The following ROBO2 variants were observed in gnomAD, a reference collection of about 807,000 sequenced individuals.
ROBO2 encodes the protein roundabout homolog 2.
Under a neutral mutation model 160.8 loss-of-function variants are expected in ROBO2, and 53 were observed. The ratio of observed to expected loss-of-function variants is 0.33; its 90% confidence interval spans 0.26 to 0.41. The LOEUF (loss-of-function observed/expected upper bound fraction) is 0.41, where lower values mean the gene tolerates loss of function less well. ROBO2 is among the 10% of genes least tolerant of loss of function. The pLI is 1.00. For missense variants in ROBO2, 1,577 were observed against 1,722.4 expected, an observed-to-expected ratio of 0.92 and a Z score of 1.49; for synonymous variants, 664 against 611.7, an observed-to-expected ratio of 1.09 and a Z score of -1.26.
At chr3:77,398,584 T>A (rs2075506329) in intron 2 of ROBO2, among the ~76,000 whole-genome samples, 1 of 151,970 alleles carries the variant, frequency 6.6e-6, no homozygotes. Flanking sequence ...TTCTTTGTAT[T>A]TTAATTTATT....
At chr3:76,622,371 G>A (rs1295172884) in intron 2 of ROBO2, among the ~76,000 whole-genome samples, 1 of 151,982 alleles carries the variant, frequency 6.6e-6, no homozygotes, top group Non-Finnish European at 1.5e-5. Flanking sequence ...AGGCTAAGGT[G>A]GGAGGATTGC....
chr3:75,957,438 A>G (rs1039710839), intron 2 of ROBO2, among the ~76,000 whole-genome samples: 1 of 151,590 alleles, frequency 6.6e-6, no homozygotes, highest in Non-Finnish European at 1.5e-5. Context: ...AAAATATGGT[A>G]GGGCAATTTT....
At chr3:76,072,363 TG>T (rs2068489422) in intron 2 of ROBO2, among the ~76,000 whole-genome samples, 1 of 152,158 alleles carries the variant, frequency 6.6e-6, no homozygotes, top group Non-Finnish European at 1.5e-5. Context: ...CCTGCTATTT[TG>T]TGGAGAAATG....
In ROBO2 at chr3:76,440,196, C is replaced by T. The variant is rs2076861667; in HGVS notation, c.109+502594C>T. On this transcript the variant is annotated intron_variant, in intron 2 of 26. Transcript: ENST00000487694. ...TAGCAAGACCTGGGGTCCAGATGTA[C>T]AACCCCAATCAAGTCCCAAGCAAGA... Among the ~76,000 whole-genome samples, 3 of 152,160 alleles carry T rather than the reference C, an allele frequency of 2.0e-5. No homozygotes were observed. In the South Asian group the frequency reaches 6.2e-4, roughly 32 times the overall value.
chr3:76,440,237 CT>C (rs971055397), intron 2 of ROBO2, among the ~76,000 whole-genome samples: 2 of 151,814 alleles, frequency 1.3e-5, no homozygotes, highest in Non-Finnish European at 2.9e-5. Flanking sequence ...AGTAAAAGTA[CT>C]TTTTTTATTT....
intron 19 of ROBO2, among the ~76,000 whole-genome samples, chr3:77,599,088 A>G (rs1030400928): frequency 6.6e-6 from 1 of 152,144 alleles, no homozygotes; most frequent in Non-Finnish European, 1.5e-5. Context: ...GAAATATCTC[A>G]TAGATGAACA....
At chr3:76,387,136 G>C (rs2076929733) in intron 2 of ROBO2, among the ~76,000 whole-genome samples, 1 of 152,126 alleles carries the variant, frequency 6.6e-6, no homozygotes, top group Admixed American at 6.5e-5. Context: ...CACATGGCAG[G>C]GTCGAGGGGG....
intron 2 of ROBO2, among the ~76,000 whole-genome samples, chr3:75,960,942 G>A (rs1948889132): frequency 6.6e-6 from 1 of 151,624 alleles, no homozygotes; most frequent in African/African-American, 2.4e-5. Context: ...AACTATCATT[G>A]ACAAAATTAT....
chr3:77,542,225 A>G (rs917080276), intron 6 of ROBO2, among the ~76,000 whole-genome samples: 4 of 152,236 alleles, frequency 2.6e-5, no homozygotes, highest in Non-Finnish European at 4.4e-5. Flanking sequence ...AGATTGCAAT[A>G]TAGATCTAGG....
At chr3:76,944,977 C>T (rs547194854) in intron 2 of ROBO2, among the ~76,000 whole-genome samples, 9 of 151,974 alleles carry the variant, frequency 5.9e-5, no homozygotes, top group Non-Finnish European at 1.3e-4. Context: ...CAAACTCTGC[C>T]TCCCGGGTTC....
At chr3:76,488,071 C>T (rs941516869) in intron 2 of ROBO2, among the ~76,000 whole-genome samples, 5 of 152,176 alleles carry the variant, frequency 3.3e-5, no homozygotes, top group East Asian at 1.9e-4. Flanking sequence ...CGGGGAGTCA[C>T]GAATAATCAG....
intron 2 of ROBO2, among the ~76,000 whole-genome samples, chr3:77,352,363 C>T (rs1296349041): frequency 6.6e-6 from 1 of 152,098 alleles, no homozygotes; most frequent in African/African-American, 2.4e-5. Flanking sequence ...GTGCATCATT[C>T]TATTTCGTGG....
chr3:76,429,654 T>A (rs536389812), intron 2 of ROBO2, among the ~76,000 whole-genome samples: 12 of 152,270 alleles, frequency 7.9e-5, no homozygotes, highest in Admixed American at 5.2e-4. Flanking sequence ...CAATTTAAAT[T>A]TAATGAGCTC....
intron 2 of ROBO2, among the ~76,000 whole-genome samples, chr3:76,650,419 T>C (rs146759832): frequency 3.0e-4 from 46 of 152,230 alleles, no homozygotes; most frequent in Middle Eastern, 6.8e-3. Flanking sequence ...CTTTGCTTTA[T>C]AGTTTTACCA....
Position 76,448,260 on chromosome 3 carries a change from A to G in ROBO2, c.109+510658A>G, listed in dbSNP as rs1388462610. On this transcript the variant is annotated intron_variant, in intron 2 of 26. Coordinates refer to the ROBO2 transcript ENST00000487694. ...TTAAACTAATAAGAATATTTAATATAAACATACATAATGAGTTTGTCTTGA... is the reference window on the plus strand; with the variant it reads ...TTAAACTAATAAGAATATTTAATATGAACATACATAATGAGTTTGTCTTGA... Among the ~76,000 whole-genome samples the G allele has an allele frequency of 2.0e-5, 3 of 152,126 alleles. No homozygotes were observed. In the East Asian group the frequency reaches 5.8e-4, roughly 29 times the overall value.
At chr3:77,543,807 C>A (rs923914261) in intron 6 of ROBO2, among the ~76,000 whole-genome samples, 1 of 152,062 alleles carries the variant, frequency 6.6e-6, no homozygotes, top group Non-Finnish European at 1.5e-5. Flanking sequence ...TTACTAACTA[C>A]TTTTGTGAGG....
At chr3:77,029,950 C>CTTTTTTTTTT (rs965579096) in intron 2 of ROBO2, among the ~76,000 whole-genome samples, 43 of 144,750 alleles carry the variant, frequency 3.0e-4, no homozygotes, top group African/African-American at 9.6e-4. Flanking sequence ...CCATTCAGTT[C>CTTTTTTTTTT]TTTTTTTTTT....
chr3:77,547,307 C>T (rs886912675), intron 7 of ROBO2, among the ~76,000 whole-genome samples: 2 of 152,028 alleles, frequency 1.3e-5, no homozygotes, highest in African/African-American at 4.8e-5. Flanking sequence ...GAGATATTTT[C>T]CTTCTAAACT....
intron 2 of ROBO2, among the ~76,000 whole-genome samples, chr3:76,272,606 T>G (rs1707504719): frequency 7.7e-6 from 1 of 129,916 alleles, no homozygotes; most frequent in South Asian, 2.5e-4. Flanking sequence ...GAAGTTGCAG[T>G]GAGCTGAGAT....
Sources: gnomAD v4.1 joint callset for allele counts (sites outside exome capture counted in the v4.1 genomes callset) on GRCh38, gnomAD v4.1.1 for gene constraint, MANE v1.5 for transcripts, NCBI Gene and HGNC (gene_info 2026-07-23, HGNC 2026-07-21) for gene names.